Variants in CSMD1 observed in about 807,000 individuals in gnomAD.
CSMD1 encodes the protein CUB and sushi domain-containing protein 1.
A neutral mutation model predicts 417.5 loss-of-function variants in CSMD1; 213 were observed. The ratio of observed to expected loss-of-function variants is 0.51; its 90% CI spans 0.46 to 0.57. CSMD1 has a LOEUF of 0.57. Ranked by LOEUF, CSMD1 falls within the 20% of genes least tolerant of loss-of-function variation. The pLI is 0.00. For missense variants in CSMD1, 6,923 were observed against 4,529.7 expected (o/e 1.53, Z -15.17); for synonymous variants, 2,862 against 1,736.8 (o/e 1.65, Z -16.11).
chr8:4,092,383 C>T (rs1273459339), intron 3 of CSMD1, among the ~76,000 whole-genome samples: 4 of 152,122 alleles, frequency 2.6e-5, no homozygotes, highest in African/African-American at 7.2e-5. Context: ...CTGCTGTGCT[C>T]TCCACCGTAA....
chr8:4,157,939 G>C (rs923659560), intron 3 of CSMD1, among the ~76,000 whole-genome samples: 1 of 152,170 alleles, frequency 6.6e-6, no homozygotes, highest in Admixed American at 6.5e-5. Context: ...AAGCTGTAAG[G>C]TTCAGAACAT....
At chr8:4,414,973 C>G (rs1281408771) in intron 3 of CSMD1, among the ~76,000 whole-genome samples, 1 of 152,090 alleles carries the variant, frequency 6.6e-6, no homozygotes, top group African/African-American at 2.4e-5. Flanking sequence ...ATATAACTAT[C>G]ACTTAAAAGC....
intron 50 of CSMD1, among the ~76,000 whole-genome samples, chr8:3,049,758 C>T (rs553978072): frequency 1.4e-3 from 214 of 152,158 alleles, no homozygotes; most frequent in South Asian, 0.011. Context: ...CTCATGTGAA[C>T]GCTGGGCTCT....
Position 3,652,614 on chromosome 8 carries a change from G to A in CSMD1, c.1010-35817C>T, listed in dbSNP as rs111890042. Among the ~76,000 whole-genome samples, 412 of 152,242 alleles carry A rather than the reference G, an allele frequency of 2.7e-3. 2 individuals carry two copies. Among genetic ancestry groups the A allele is most frequent in the East Asian group, 9.1e-3 (47 of 5,174 alleles). ...CACGGTGACAGGCAAAAGAGCTCGC[G>A]CAAGGGAGCTCCCATTTATGGAACC... On this transcript the variant is annotated intron_variant, in intron 7 of 69. Coordinates refer to ENST00000635120, the MANE Select transcript of CSMD1 (RefSeq NM_033225.6).
At chr8:4,078,319 T>G (rs1358417783) in intron 3 of CSMD1, among the ~76,000 whole-genome samples, 1 of 150,592 alleles carries the variant, frequency 6.6e-6, no homozygotes, top group East Asian at 1.9e-4. Flanking sequence ...CCAACTTTTT[T>G]TTTTTTTTTT....
chr8:3,378,601 A>T (rs1337006636), intron 18 of CSMD1, among the ~76,000 whole-genome samples: 2 of 152,212 alleles, frequency 1.3e-5, no homozygotes, highest in Non-Finnish European at 2.9e-5. Flanking sequence ...CATATATGCA[A>T]ATCAATAAAC....
intron 3 of CSMD1, among the ~76,000 whole-genome samples, chr8:4,326,077 G>A (rs923968665): frequency 6.6e-6 from 1 of 152,154 alleles, no homozygotes; most frequent in Non-Finnish European, 1.5e-5. Flanking sequence ...GCATTCATCA[G>A]CATTACCAGA....
rs76578335 is a variant in CSMD1 at position 3,757,017 on chromosome 8, G to T, written c.819-2975C>A. ...GGGGTCTCACTATGTTGTCCAGACT[G>T]GTCTTGAACTCACAGCCTCAAGAAA... On this transcript the variant is annotated intron_variant, in intron 5 of 69. Transcript: ENST00000635120. Among the ~76,000 whole-genome samples the T allele has an allele frequency of 9.3e-3, 1,409 of 152,214 alleles. 28 individuals are homozygous for T. The highest frequency in any genetic ancestry group is 0.046 in the East Asian group (240 of 5,176).
At chr8:4,767,846 T>C (rs148822289) in intron 1 of CSMD1, among the ~76,000 whole-genome samples, 1,529 of 152,256 alleles carry the variant, frequency 0.01, 13 homozygotes, top group Non-Finnish European at 0.016. Flanking sequence ...CCCAGGAGTG[T>C]CCCTCTCCTG....
chr8:4,013,677 T>C (rs114256898), intron 4 of CSMD1, among the ~76,000 whole-genome samples: 36 of 152,362 alleles, frequency 2.4e-4, no homozygotes, highest in African/African-American at 8.2e-4. Context: ...AAGATTGGAA[T>C]TCTTTCTTGT....
chr8:3,950,624 C>G (rs73509615), intron 5 of CSMD1, among the ~76,000 whole-genome samples: 1 of 152,158 alleles, frequency 6.6e-6, no homozygotes, highest in Non-Finnish European at 1.5e-5. Context: ...TCAGCAGGAA[C>G]GTGTTTGATC....
intron 63 of CSMD1, among the ~76,000 whole-genome samples, 197 bp from the exon 64 acceptor site, chr8:2,955,965 T>G (rs1403269051): frequency 6.6e-6 from 1 of 152,038 alleles, no homozygotes; most frequent in Non-Finnish European, 1.5e-5. Context: ...GTGCTAGAAC[T>G]CCTGACCTCA....
intron 5 of CSMD1, among the ~76,000 whole-genome samples, chr8:3,791,092 C>T (rs745847848): frequency 6.6e-6 from 1 of 152,146 alleles, no homozygotes; most frequent in African/African-American, 2.4e-5. Context: ...TTCATAAAAT[C>T]AGTGTGATGG....
At chr8:4,139,285 C>T (rs145567921) in intron 3 of CSMD1, among the ~76,000 whole-genome samples, 17 of 152,164 alleles carry the variant, frequency 1.1e-4, no homozygotes, top group African/African-American at 4.1e-4. Flanking sequence ...ATAATTGGCA[C>T]CCTGTGTCTT....
intron 1 of CSMD1, among the ~76,000 whole-genome samples, chr8:4,756,234 T>C (rs1027141342): frequency 6.6e-6 from 1 of 152,208 alleles, no homozygotes; most frequent in Non-Finnish European, 1.5e-5. Context: ...ATCATGATGA[T>C]GAAATGGGTT....
chr8:3,835,044 C>T (rs544833394), intron 5 of CSMD1, among the ~76,000 whole-genome samples: 7 of 151,882 alleles, frequency 4.6e-5, no homozygotes, highest in East Asian at 1.9e-4. Flanking sequence ...GTTAGAATGG[C>T]GATCATTAAA....
intron 8 of CSMD1, among the ~76,000 whole-genome samples, chr8:3,616,040 C>G (rs1802121166): frequency 6.6e-6 from 1 of 152,148 alleles, no homozygotes; most frequent in Non-Finnish European, 1.5e-5. Flanking sequence ...CTGACTGATA[C>G]TAACATGCAT....
At chr8:4,821,901 TAATC>T (rs1220951297) in intron 1 of CSMD1, among the ~76,000 whole-genome samples, 33 of 152,266 alleles carry the variant, frequency 2.2e-4, no homozygotes, top group African/African-American at 7.2e-4. Context: ...AAAATGTGTG[TAATC>T]ACATTTGCTT....
At chr8:4,058,146 T>A (rs975692286) in intron 3 of CSMD1, among the ~76,000 whole-genome samples, 1 of 152,180 alleles carries the variant, frequency 6.6e-6, no homozygotes, top group Non-Finnish European at 1.5e-5. Context: ...TTTCACGATA[T>A]TGACTCTTCC....
Sources: allele counts gnomAD v4.1 joint callset (sites outside exome capture counted in the v4.1 genomes callset), GRCh38; gene constraint gnomAD v4.1.1; transcripts MANE v1.5; gene names NCBI Gene and HGNC (gene_info 2026-07-23, HGNC 2026-07-21).